LAMA4: variants seen among roughly 807,000 people sequenced by gnomAD.
LAMA4 encodes the protein laminin subunit alpha 4.
In LAMA4, 127 loss-of-function variants were observed where a neutral mutation model predicts 207.1. The observed-to-expected ratio is 0.61, with a 90% CI of 0.53 to 0.71. LAMA4 has a LOEUF of 0.71. Ranked by LOEUF, LAMA4 falls within the 30% of genes least tolerant of loss-of-function variation. The probability of loss-of-function intolerance (pLI) is 0.00; values close to 1 mark genes in which losing one functional copy is unlikely to be tolerated. For synonymous variants in LAMA4, 761 were observed against 816.0 expected, an observed-to-expected ratio of 0.93 and a Z score of 1.15; for missense variants, 2,093 against 2,246.5, an observed-to-expected ratio of 0.93 and a Z score of 1.38.
intron 3 of LAMA4, chr6:112,213,659 A>G (rs12198087): frequency 0.099 from 18,594 of 187,536 alleles, 1,303 homozygotes; most frequent in Non-Finnish European, 0.15. Context: ...TGGTAGCATA[A>G]TTTTGTATAC....
chr6:112,145,366 G>A (rs1203557842), intron 18 of LAMA4, among the ~76,000 whole-genome samples: 1 of 152,240 alleles, frequency 6.6e-6, no homozygotes, highest in African/African-American at 2.4e-5. Flanking sequence ...GCGTGCTGGT[G>A]CCCAAAGAGA....
At chr6:112,253,555 T>C in intron 2 of LAMA4, 2 of 577,272 alleles carry the variant, frequency 3.5e-6, no homozygotes, top group Non-Finnish European at 6.2e-6. Flanking sequence ...GTGTTCCCAC[T>C]GTCCTAACAG....
intron 5 of LAMA4, among the ~76,000 whole-genome samples, chr6:112,200,879 T>C (rs1174078856): frequency 6.6e-6 from 1 of 151,724 alleles, no homozygotes; most frequent in Non-Finnish European, 1.5e-5. Flanking sequence ...CCGGGGCCTG[T>C]CAGTGGGTGG....
intron 3 of LAMA4, among the ~76,000 whole-genome samples, chr6:112,207,672 G>A (rs1218680072): frequency 6.6e-6 from 1 of 152,126 alleles, no homozygotes; most frequent in African/African-American, 2.4e-5. Context: ...TCTGCTCATG[G>A]GTTGGTATCT....
chr6:112,155,223 C>A, intron 15 of LAMA4: 1 of 569,094 alleles, frequency 1.8e-6, no homozygotes, highest in Non-Finnish European at 3.1e-6. Context: ...AGAAGCCACA[C>A]AATAAATAAT....
At position 112,165,246 on chromosome 6, in the gene LAMA4, C is replaced by G; in HGVS notation, c.1582G>C (p.Glu528Gln). Residue 528 changes from glutamate to glutamine, a missense_variant, in exon 13 of 39, where the codon GAA (glutamate) becomes CAA (glutamine). Transcript: ENST00000230538. ...GTGCTCAGAGACATGTTCACCACTT[C>G]CATTTGTTCCCTCACTCTTTCCTGT... ...KQQERVREQM[E>Q]VVNMSLSTSA... The G allele has an allele frequency of 6.2e-7, 1 of 1,613,036 alleles. No homozygotes were observed.
intron 9 of LAMA4, chr6:112,178,456 G>A: frequency 2.0e-6 from 1 of 501,896 alleles, no homozygotes; most frequent in South Asian, 2.1e-5. Flanking sequence ...AGTTATTGGG[G>A]TATAGGTGGT....
At position 112,120,346 on chromosome 6, in the gene LAMA4, A is replaced by G. The variant is rs139209703; in HGVS notation, c.4602T>C (p.Asn1534=). ...LAHGRLVYMF[N]VGHKKLKIRS... is the part of the protein sequence containing the mutation. ...TAATCTTCAGTTTTTTGTGACCAAC[A>G]TTAAACATGTAAACCAAGCGGCCAT... Residue 1534 remains asparagine (N), a synonymous_variant, in exon 33 of 39, where the codon AAT becomes AAC. Transcript: ENST00000230538. 11 of 1,613,962 alleles carry G rather than the reference A, an allele frequency of 6.8e-6. No homozygotes were observed. The African/African-American group carries it at 1.1e-4, about 16-fold the overall frequency.
At chr6:112,165,499 A>G (rs1781333527) in intron 12 of LAMA4, among the ~76,000 whole-genome samples, 1 of 152,246 alleles carries the variant, frequency 6.6e-6, no homozygotes, top group Admixed American at 6.5e-5. Context: ...GAGATTAGAC[A>G]TACGGAGGAT....
rs2114646501 is a variant in LAMA4, at chr6:112,130,994, G to A, written c.3942C>T (p.Phe1314=). The change falls in exon 29 of 39, where the codon TTC becomes TTT. Residue 1314 remains phenylalanine, a synonymous_variant. Transcript: ENST00000230538. ...TTGTGGGTGAGACAGAGCTAATGAC[G>A]AAGTGGGACAGCCCATCATTGTACT... The part of the protein sequence containing the change: ...DKQYNDGLSH[F]VISSVSPTRY... The A allele has an allele frequency of 1.2e-6, 2 of 1,613,094 alleles. No homozygotes were observed. Among genetic ancestry groups the A allele is most frequent in the South Asian group, 1.1e-5 (1 of 91,068 alleles).
intron 2 of LAMA4, among the ~76,000 whole-genome samples, chr6:112,241,887 G>A: frequency 6.6e-6 from 1 of 152,086 alleles, no homozygotes; most frequent in East Asian, 1.9e-4. Context: ...TGGGGAACTG[G>A]GTCTTCCCTG....
chr6:112,118,004 G>T lies in LAMA4; in HGVS notation c.4822-106C>A. ...CCTGAAGGAACCCACGTAATTCCTT[G>T]TTTCATTTATTTCAGATATCTGAAT... is the stretch of plus-strand genomic sequence containing the variant. On this transcript the variant is annotated intron_variant, in intron 34 of 38. Coordinates refer to ENST00000230538, the MANE Select transcript of LAMA4 (RefSeq NM_001105206.3). This position sits in a 1 kb window ranked among gnomAD's most constrained non-coding sequence, Gnocchi z 4.6. 2.3e-6 allele frequency: 2 copies of T among 887,538 alleles called. No homozygotes were observed. The highest frequency in any genetic ancestry group is 1.8e-6 in the Non-Finnish European group (1 of 541,964). 55.0% of individuals were successfully genotyped at this position (887,538 alleles called of 1,614,324 possible). A position where few individuals can be genotyped will look rare whatever the true frequency, so the allele number is the denominator to read the frequency against.
intron 7 of LAMA4, among the ~76,000 whole-genome samples, chr6:112,188,204 C>T (rs142668304): frequency 2.6e-5 from 4 of 152,240 alleles, no homozygotes; most frequent in East Asian, 1.9e-4. Flanking sequence ...CTTCTAGAGA[C>T]GTGATAAAGG....
chr6:112,241,259 A>T (rs1786490442), intron 2 of LAMA4, among the ~76,000 whole-genome samples: 1 of 147,696 alleles, frequency 6.8e-6, no homozygotes, highest in African/African-American at 2.5e-5. Context: ...ATACACATTC[A>T]GAAATCTCAA....
chr6:112,175,521 A>C (rs1434087831), intron 10 of LAMA4, 41 bp from the exon 11 acceptor site: 1 of 1,606,630 alleles, frequency 6.2e-7, no homozygotes, highest in Non-Finnish European at 8.5e-7. Context: ...GCAGGGAGAG[A>C]TGACCAGGCA....
chr6:112,109,367 T>G lies in LAMA4; in HGVS notation c.*70A>C, dbSNP rs1339435917. 1.9e-6 allele frequency: 3 copies of G among 1,568,156 alleles called. No homozygotes were observed. In the East Asian group the frequency reaches 6.8e-5, roughly 35 times the overall value. ...CACCCGAAGGAAGAGTTACTGTTCC[T>G]CCTGGCTGGCTTTGTGTTTCTTTCA... On this transcript the variant is annotated 3_prime_UTR_variant, in exon 39 of 39. Transcript: ENST00000230538.
chr6:112,193,185 G>T (rs1783217803), intron 5 of LAMA4, among the ~76,000 whole-genome samples: 1 of 152,066 alleles, frequency 6.6e-6, no homozygotes, highest in Non-Finnish European at 1.5e-5. Context: ...TGCATGAGAG[G>T]GAAAAAGAAA....
chr6:112,120,590 A>G (rs587720042), intron 32 of LAMA4, 118 bp from the exon 33 acceptor site: 585 of 769,448 alleles, frequency 7.6e-4, no homozygotes, highest in Non-Finnish European at 1.1e-3. Flanking sequence ...ATCTAATCCC[A>G]AGCAACATTA....
At chr6:112,240,043 G>A (rs552811987) in intron 2 of LAMA4, among the ~76,000 whole-genome samples, 14 of 152,026 alleles carry the variant, frequency 9.2e-5, no homozygotes, top group African/African-American at 3.4e-4. Context: ...GCGACAGAGC[G>A]AGACTCTGTC....
Sources: gnomAD v4.1 joint callset for allele counts (sites outside exome capture counted in the v4.1 genomes callset) on GRCh38, gnomAD v4.1.1 for gene constraint, Gnocchi (gnomAD v3.1) non-coding constraint, MANE v1.5 for transcripts, NCBI Gene and HGNC (gene_info 2026-07-23, HGNC 2026-07-21) for gene names.